Variants in MLLT3 observed in about 807,000 individuals in gnomAD.
The protein encoded by MLLT3 is MLLT3 super elongation complex subunit, also known as protein AF-9.
A neutral mutation model predicts 53.2 loss-of-function variants in MLLT3; 4 were observed. That is an observed-to-expected ratio of 0.08 (90% confidence interval 0.04 to 0.17). MLLT3 has a LOEUF of 0.17. Among genes scored for constraint, MLLT3 ranks in the 10% least tolerant of loss-of-function variants. MLLT3 has a pLI of 1.00. For synonymous variants in MLLT3, 283 were observed against 230.6 expected (o/e 1.23, Z -2.06); for missense variants, 569 against 684.0 (o/e 0.83, Z 1.87).
At chr9:20,461,069 C>G (rs1370182672) in intron 2 of MLLT3, among the ~76,000 whole-genome samples, 1 of 152,156 alleles carries the variant, frequency 6.6e-6, no homozygotes, top group Non-Finnish European at 1.5e-5. Context: ...CTCCAAGACT[C>G]TAATTGGGAG....
At chr9:20,391,961 TA>T (rs1213022396) in intron 5 of MLLT3, among the ~76,000 whole-genome samples, 1 of 152,092 alleles carries the variant, frequency 6.6e-6, no homozygotes, top group African/African-American at 2.4e-5. Context: ...AGAAAACAAC[TA>T]AAGAAAAAGA....
intron 2 of MLLT3, among the ~76,000 whole-genome samples, chr9:20,545,224 A>G (rs775964907): frequency 5.9e-5 from 9 of 152,066 alleles, no homozygotes; most frequent in Admixed American, 6.6e-5. Context: ...ATACAGTGGA[A>G]TGTTATTGAG....
At chr9:20,372,998 T>G (rs1169231838) in intron 5 of MLLT3, among the ~76,000 whole-genome samples, 1 of 152,200 alleles carries the variant, frequency 6.6e-6, no homozygotes, top group South Asian at 2.1e-4. Flanking sequence ...ATTACAATTG[T>G]CTGGAACCTA....
At chr9:20,384,122 A>G (rs919542594) in intron 5 of MLLT3, among the ~76,000 whole-genome samples, 1 of 152,074 alleles carries the variant, frequency 6.6e-6, no homozygotes, top group Non-Finnish European at 1.5e-5. Flanking sequence ...TTAACAGTTC[A>G]TCTCAATTTT....
intron 2 of MLLT3, among the ~76,000 whole-genome samples, chr9:20,619,327 T>G (rs1036740649): frequency 1.3e-5 from 2 of 151,836 alleles, no homozygotes; most frequent in Admixed American, 1.3e-4. Flanking sequence ...TCAGGAGGAG[T>G]TATAAACCAA....
chr9:20,607,382 C>T (rs1820597169), intron 2 of MLLT3, among the ~76,000 whole-genome samples: 1 of 152,066 alleles, frequency 6.6e-6, no homozygotes, highest in Non-Finnish European at 1.5e-5. Flanking sequence ...TTGTATACAC[C>T]TTAATCCTGA....
At chr9:20,412,127 A>G (rs1013148085) in intron 5 of MLLT3, among the ~76,000 whole-genome samples, 19 of 152,210 alleles carry the variant, frequency 1.2e-4, no homozygotes, top group Admixed American at 9.8e-4. Context: ...TTAGAATATA[A>G]AATGGCAAAG....
chr9:20,394,905 A>C (rs1832271308), intron 5 of MLLT3, among the ~76,000 whole-genome samples: 1 of 151,996 alleles, frequency 6.6e-6, no homozygotes, highest in African/African-American at 2.4e-5. Context: ...TCCCCCACCA[A>C]CTTCTTTTTT....
chr9:20,558,789 C>T (rs1434094530), intron 2 of MLLT3, among the ~76,000 whole-genome samples: 1 of 152,200 alleles, frequency 6.6e-6, no homozygotes, highest in Admixed American at 6.5e-5. Context: ...ACTTACTTTG[C>T]CCACTATGAG....
At chr9:20,421,901 A>G (rs1027070844) in intron 4 of MLLT3, among the ~76,000 whole-genome samples, 2 of 152,070 alleles carry the variant, frequency 1.3e-5, no homozygotes, top group South Asian at 2.1e-4. Context: ...GATGCTTTTT[A>G]TAGGATTTTT....
Position 20,346,456 on chromosome 9 carries a change from G to T in MLLT3, c.1694C>A (p.Ser565Tyr). The T allele has an allele frequency of 6.2e-7, 1 of 1,611,584 alleles. No individual in the cohort carries two copies. Among genetic ancestry groups the T allele is most frequent in the South Asian group, 1.1e-5 (1 of 90,866 alleles). Residue 565 changes from serine (S) to tyrosine (Y), a missense_variant, in exon 11 of 11, where the codon TCT becomes TAT. Physicochemically the swap from Ser to Tyr is moderately radical, Grantham distance 144. Transcript: ENST00000380338. ...VRKLQSYLET[S>Y]GTS The stretch of plus-strand genomic sequence containing the variant: ...GTTGTTATATCCTCAGGATGTTCCA[G>T]ATGTTTCCAGGTAACTCTGTAGTTT...
intron 2 of MLLT3, among the ~76,000 whole-genome samples, chr9:20,475,523 C>T (rs1293917845): frequency 6.6e-6 from 1 of 152,064 alleles, no homozygotes; most frequent in Non-Finnish European, 1.5e-5. Flanking sequence ...CAACTGTCTA[C>T]TATTAGGCAG....
chr9:20,480,549 A>C (rs1824636238), intron 2 of MLLT3, among the ~76,000 whole-genome samples: 1 of 152,216 alleles, frequency 6.6e-6, no homozygotes, highest in South Asian at 2.1e-4. Flanking sequence ...TCAAAACTGC[A>C]TCTGCAAAGA....
At chr9:20,440,845 T>C (rs1240755420) in intron 4 of MLLT3, among the ~76,000 whole-genome samples, 1 of 152,190 alleles carries the variant, frequency 6.6e-6, no homozygotes, top group East Asian at 1.9e-4. Context: ...TGGCTTTTTG[T>C]GCAATTGGGG....
At chr9:20,495,893 A>T (rs976839303) in intron 2 of MLLT3, among the ~76,000 whole-genome samples, 2 of 152,202 alleles carry the variant, frequency 1.3e-5, no homozygotes, top group Non-Finnish European at 2.9e-5. Flanking sequence ...CTCACAGTAG[A>T]CAGTCAATGT....
intron 2 of MLLT3, among the ~76,000 whole-genome samples, chr9:20,550,665 T>C (rs1197002563): frequency 2.0e-5 from 3 of 152,172 alleles, no homozygotes; most frequent in Non-Finnish European, 2.9e-5. Context: ...CTTTAAAATG[T>C]TGGGATTACA....
Position 20,621,739 on chromosome 9 carries a change from T to G in MLLT3, c.12+506A>C, listed in dbSNP as rs1265029451. 6.7e-7 allele frequency: 1 copy of G among 1,490,966 alleles called. No individual in the cohort carries two copies. The highest frequency in any genetic ancestry group is 8.9e-7 in the Non-Finnish European group (1 of 1,127,148). The allele number at this position is 1,490,966 out of a possible 1,614,324, so 92.4% of individuals were successfully genotyped here. ...CCCCGCCGCTGTCAGCCCCGCACACTTCGGCTCACACACGCGCGCCGCGGA... is the reference window on the plus strand; with the variant it reads ...CCCCGCCGCTGTCAGCCCCGCACACGTCGGCTCACACACGCGCGCCGCGGA... On this transcript the variant is annotated intron_variant, in intron 1 of 10. Coordinates refer to ENST00000380338, the MANE Select transcript of MLLT3 (RefSeq NM_004529.4). This position sits in a 1 kb window ranked among gnomAD's most constrained non-coding sequence, Gnocchi z 7.0.
At chr9:20,541,254 T>C (rs1357610737) in intron 2 of MLLT3, among the ~76,000 whole-genome samples, 1 of 152,222 alleles carries the variant, frequency 6.6e-6, no homozygotes, top group East Asian at 1.9e-4. Flanking sequence ...TGTATTCTTC[T>C]GAGTCCTCTG....
chr9:20,489,383 T>C (rs1485538978), intron 2 of MLLT3, among the ~76,000 whole-genome samples: 1 of 152,188 alleles, frequency 6.6e-6, no homozygotes, highest in African/African-American at 2.4e-5. Context: ...AGATTTATAT[T>C]CTCTTTCTTG....
Sources: gnomAD v4.1 joint callset for allele counts (sites outside exome capture counted in the v4.1 genomes callset) on GRCh38, gnomAD v4.1.1 for gene constraint, Gnocchi (gnomAD v3.1) non-coding constraint, MANE v1.5 for transcripts, NCBI Gene and HGNC (gene_info 2026-07-23, HGNC 2026-07-21) for gene names.